The following ITPK1 variants were observed in gnomAD, a reference collection of about 807,000 sequenced individuals.
ITPK1 encodes the protein inositol-tetrakisphosphate 1-kinase.
In ITPK1, 21 loss-of-function variants were observed where a neutral mutation model predicts 45.3. The ratio of observed to expected loss-of-function variants is 0.46; its 90% CI spans 0.33 to 0.67. The LOEUF is 0.67. Ranked by LOEUF, ITPK1 falls within the 30% of genes least tolerant of loss-of-function variation. ITPK1 has a pLI of 0.02. For missense variants in ITPK1, 474 were observed against 573.5 expected, an observed-to-expected ratio of 0.83 and a Z score of 1.77; for synonymous variants, 258 against 253.6, an observed-to-expected ratio of 1.02 and a Z score of -0.16.
chr14:92,962,888 G>T, intron 5 of ITPK1, 39 bp from the exon 6 acceptor site: 1 of 1,461,922 alleles, frequency 6.8e-7, no homozygotes, highest in Non-Finnish European at 9.5e-7. Context: ...CAGCTCCTGG[G>T]CAGCCGCCCC....
intron 5 of ITPK1, among the ~76,000 whole-genome samples, chr14:92,975,183 T>C (rs1885877451): frequency 2.6e-5 from 4 of 152,232 alleles, no homozygotes; most frequent in Admixed American, 2.6e-4. Context: ...CTTGCCAGCC[T>C]TGAAGTCCTC....
intron 3 of ITPK1, among the ~76,000 whole-genome samples, chr14:93,074,315 C>G (rs549048248): frequency 2.6e-5 from 4 of 152,328 alleles, no homozygotes; most frequent in African/African-American, 9.6e-5. Context: ...TTCTTCTGCC[C>G]CGGACATTCT....
intron 2 of ITPK1, among the ~76,000 whole-genome samples, chr14:93,106,642 G>A (rs1053923669): frequency 6.6e-6 from 1 of 152,202 alleles, no homozygotes; most frequent in African/African-American, 2.4e-5. Flanking sequence ...GTTCTCTCCT[G>A]TTTGCAGGTT....
At chr14:93,021,721 G>A (rs998795650) in intron 3 of ITPK1, among the ~76,000 whole-genome samples, 1 of 152,094 alleles carries the variant, frequency 6.6e-6, no homozygotes, top group African/African-American at 2.4e-5. Context: ...TCTTTTCCCT[G>A]GCAAGAACAA....
At chr14:93,104,462 C>CA (rs35034223) in intron 2 of ITPK1, among the ~76,000 whole-genome samples, 33 of 145,958 alleles carry the variant, frequency 2.3e-4, no homozygotes, top group South Asian at 6.4e-4. Flanking sequence ...AACTCCATCT[C>CA]AAAAAAAAAA....
At chr14:93,105,519 G>T (rs1209822692) in intron 2 of ITPK1, among the ~76,000 whole-genome samples, 1 of 118,186 alleles carries the variant, frequency 8.5e-6, no homozygotes, top group Admixed American at 1.1e-4. Context: ...AGTGCCCCTG[G>T]AGCTTTTTTT....
At chr14:93,056,963 C>T (rs1484615167) in intron 3 of ITPK1, among the ~76,000 whole-genome samples, 1 of 152,226 alleles carries the variant, frequency 6.6e-6, no homozygotes, top group Admixed American at 6.5e-5. Context: ...GGAATGCTTC[C>T]TGAGCCTCCA....
rs376686350 is a variant in ITPK1, at chr14:92,938,591, G to A, written c.*2970C>T. 2.3e-4 allele frequency: 307 copies of A among 1,322,788 alleles called. No individual in the cohort carries two copies. Among genetic ancestry groups the A allele is most frequent in the Non-Finnish European group, 3.1e-4 (286 of 922,036 alleles). 81.9% of individuals were successfully genotyped at this position (1,322,788 alleles called of 1,614,324 possible). On this transcript the variant is annotated 3_prime_UTR_variant, in exon 11 of 11. Transcript: ENST00000267615. ...CCTTTATTGACAGGCATGAGACACA[G>A]GCAGGCCCAGGCACAGGAAGCCCCA...
chr14:93,075,313 C>T (rs895455872), intron 3 of ITPK1, among the ~76,000 whole-genome samples: 8 of 113,126 alleles, frequency 7.1e-5, no homozygotes, highest in African/African-American at 1.3e-4. Flanking sequence ...CACTCCAGAG[C>T]GAGACTCCTT....
At chr14:93,048,011 G>C (rs1889854265) in intron 3 of ITPK1, among the ~76,000 whole-genome samples, 1 of 152,244 alleles carries the variant, frequency 6.6e-6, no homozygotes, top group Non-Finnish European at 1.5e-5. Flanking sequence ...GACCTTCTGA[G>C]ACATTCAGGC....
intron 5 of ITPK1, among the ~76,000 whole-genome samples, chr14:92,969,546 C>T (rs559055801): frequency 2.1e-4 from 32 of 152,312 alleles, no homozygotes; most frequent in East Asian, 7.7e-4. Flanking sequence ...TGGCAGGTGG[C>T]GCCCAGGTGC....
chr14:93,108,676 T>C (rs1375542610), intron 2 of ITPK1, among the ~76,000 whole-genome samples: 1 of 152,222 alleles, frequency 6.6e-6, no homozygotes, highest in Non-Finnish European at 1.5e-5. Context: ...TTCACTGTCA[T>C]TGGGACTGAC....
intron 2 of ITPK1, among the ~76,000 whole-genome samples, chr14:93,105,702 GTTT>G (rs376342112): frequency 6.2e-4 from 79 of 127,750 alleles, no homozygotes; most frequent in African/African-American, 1.8e-3. Context: ...TTTTTGTGGG[GTTT>G]TTTTTTTTTT....
At chr14:92,952,077 C>T (rs1246851982) in intron 8 of ITPK1, 64 bp from the exon 9 acceptor site, 5 of 1,309,802 alleles carry the variant, frequency 3.8e-6, no homozygotes, top group South Asian at 1.3e-5. Flanking sequence ...CTGCCGCCAC[C>T]TGACACCAGG....
At chr14:93,077,813 G>C (rs1240977191) in intron 2 of ITPK1, among the ~76,000 whole-genome samples, 1 of 152,170 alleles carries the variant, frequency 6.6e-6, no homozygotes, top group Non-Finnish European at 1.5e-5. Context: ...CCTTTGTTCT[G>C]GGGTATTGAT....
intron 4 of ITPK1, among the ~76,000 whole-genome samples, chr14:93,001,307 AC>A (rs1373206033): frequency 6.8e-6 from 1 of 147,438 alleles, no homozygotes; most frequent in Non-Finnish European, 1.5e-5. Context: ...AAACAAACAA[AC>A]AAACAAACAA....
chr14:93,092,774 G>A (rs528771810), intron 2 of ITPK1, among the ~76,000 whole-genome samples: 14 of 152,212 alleles, frequency 9.2e-5, no homozygotes, highest in East Asian at 5.8e-4. Context: ...TCCACCCCAC[G>A]ACAGCCAGGG....
At position 93,016,594 on chromosome 14, in the gene ITPK1, T is replaced by G. The variant is rs1888190326; in HGVS notation, c.246+82A>C. The stretch of plus-strand genomic sequence containing the variant: ...TACCTCCAGAGAGCTGCTACCGCCC[T>G]AAATACACACACGGCCATTCCAGGG... On this transcript the variant is annotated intron_variant, in intron 4 of 10. Transcript: ENST00000267615. This position sits in a 1 kb window ranked among gnomAD's most constrained non-coding sequence, Gnocchi z 5.0. 1 of 1,514,056 alleles carries G rather than the reference T, an allele frequency of 6.6e-7. No homozygotes were observed. Among genetic ancestry groups the G allele is most frequent in the African/African-American group, 1.4e-5 (1 of 72,928 alleles). 93.8% of individuals were successfully genotyped at this position (1,514,056 alleles called of 1,614,324 possible).
chr14:93,007,159 G>A (rs1171651443), intron 4 of ITPK1, among the ~76,000 whole-genome samples: 4 of 152,218 alleles, frequency 2.6e-5, no homozygotes, highest in South Asian at 2.1e-4. Flanking sequence ...AAGGTCACAC[G>A]GAGCTGGGTT....
Sources: allele counts gnomAD v4.1 joint callset (sites outside exome capture counted in the v4.1 genomes callset), GRCh38; gene constraint gnomAD v4.1.1; non-coding constraint Gnocchi (gnomAD v3.1); transcripts MANE v1.5; gene names NCBI Gene and HGNC (gene_info 2026-07-23, HGNC 2026-07-21).